The following MON1A variants were observed in gnomAD, a reference collection of about 807,000 sequenced individuals.
The protein encoded by MON1A is vacuolar fusion protein MON1 homolog A.
MON1A carries 29 observed loss-of-function variants against 44.6 expected under a neutral mutation model. The observed-to-expected ratio is 0.65, with a 90% CI of 0.48 to 0.89. MON1A has a LOEUF of 0.89. Ranked by LOEUF, MON1A falls within the 40% of genes least tolerant of loss-of-function variation. The pLI, the probability that MON1A is intolerant of heterozygous loss-of-function variation, is 0.00. For synonymous variants in MON1A, 275 were observed against 316.4 expected, an observed-to-expected ratio of 0.87 and a Z score of 1.39; for missense variants, 615 against 759.6, an observed-to-expected ratio of 0.81 and a Z score of 2.24.
Position 49,911,189 on chromosome 3 carries a change from A to AC in MON1A, c.614-306_614-305insG, listed in dbSNP as rs2108530323. Among the ~76,000 whole-genome samples, 1 of 49,860 alleles carries AC rather than the reference A, an allele frequency of 2.0e-5. No individual in the cohort carries two copies. Among genetic ancestry groups the AC allele is most frequent in the South Asian group, 4.1e-4 (1 of 2,464 alleles). The allele number at this position is 49,860 out of a possible 152,430, so 32.7% of individuals were successfully genotyped here. A position where few individuals can be genotyped will look rare whatever the true frequency, so the allele number is the denominator to read the frequency against. On this transcript the variant is annotated intron_variant, in intron 3 of 5. Coordinates refer to ENST00000296473, the MANE Select transcript of MON1A (RefSeq NM_032355.4). This position sits in a 1 kb window ranked among gnomAD's most constrained non-coding sequence, Gnocchi z 5.7. Reference sequence around the variant, plus strand: ...AGCTCAGGACCTGGGAGATAGATAGATTAGATAGATAGATAGATAGATAGA... The same window carrying AC: ...AGCTCAGGACCTGGGAGATAGATAGACTTAGATAGATAGATAGATAGATAGA...
chr3:49,929,738 CG>C lies in MON1A; in HGVS notation c.-144del. ...AGCTTCGCGGGGCCCCGGCCCCCTG[CG>C]TACACAGACATGGCCACAGCGCAGG... is the stretch of plus-strand genomic sequence containing the variant. On this transcript the variant is annotated 5_prime_UTR_variant, in exon 1 of 6. It introduces an in-frame stop codon into an upstream open reading frame of the 5' UTR. Coordinates refer to ENST00000296473, the MANE Select transcript of MON1A (RefSeq NM_032355.4). The C allele has an allele frequency of 1.3e-6, 2 of 1,549,980 alleles. No homozygotes were observed. Among genetic ancestry groups the C allele is most frequent in the Non-Finnish European group, 1.7e-6 (2 of 1,146,698 alleles).
rs773059211 is a variant in MON1A at position 49,910,114 on chromosome 3, C to T, written c.1379+5G>A. The stretch of plus-strand genomic sequence containing the variant: ...TACAGCAGTGCCCTCAAGGCCCTCC[C>T]TCACCTGGTGAAGAGTCCCGAGCTC... On this transcript the variant is annotated splice_donor_5th_base_variant and intron_variant, in intron 4 of 5. Transcript: ENST00000296473. This position sits in a 1 kb window ranked among gnomAD's most constrained non-coding sequence, Gnocchi z 8.0. The T allele has an allele frequency of 7.0e-6, 11 of 1,581,976 alleles. No homozygotes were observed. Among genetic ancestry groups the T allele is most frequent in the East Asian group, 2.3e-5 (1 of 44,442 alleles).
At position 49,910,956 on chromosome 3, in the gene MON1A, G is replaced by T; in HGVS notation, c.614-72C>A. On this transcript the variant is annotated intron_variant, in intron 3 of 5. Transcript: ENST00000296473. The surrounding 1 kb of genome is among the most constrained non-coding windows in gnomAD (Gnocchi z 8.0). Reference sequence around the variant, plus strand: ...CCTCCGAAAACCGCCTTCCAGCGCAGCTCTTCGCTTTCCCCATCCTTTCCT... The same window carrying T: ...CCTCCGAAAACCGCCTTCCAGCGCATCTCTTCGCTTTCCCCATCCTTTCCT... The T allele has an allele frequency of 1.4e-6, 2 of 1,424,788 alleles. No individual in the cohort carries two copies. The highest frequency in any genetic ancestry group is 1.9e-6 in the Non-Finnish European group (2 of 1,052,296). The allele number at this position is 1,424,788 out of a possible 1,614,324, so 88.3% of individuals were successfully genotyped here. A position where few individuals can be genotyped will look rare whatever the true frequency, so the allele number is the denominator to read the frequency against.
In MON1A at chr3:49,910,416, C is replaced by T; in HGVS notation, c.1082G>A (p.Gly361Asp). ...LISSSSSFREGEAWTPVCLPK... is the reference protein window; with the variant it reads ...LISSSSSFREDEAWTPVCLPK... ...CAGGCACACGGGCGTCCAGGCCTCG[C>T]CCTCGCGAAAGGACGAGGAGGAACT... Residue 361 changes from glycine to aspartate, a missense_variant, in exon 4 of 6, where the codon GGC becomes GAC. Coordinates refer to ENST00000296473, the MANE Select transcript of MON1A (RefSeq NM_032355.4). This position sits in a 1 kb window ranked among gnomAD's most constrained non-coding sequence, Gnocchi z 8.0. The T allele has an allele frequency of 6.2e-7, 1 of 1,614,234 alleles. No individual in the cohort carries two copies.
intron 1 of MON1A, among the ~76,000 whole-genome samples, chr3:49,919,568 C>T (rs1479200945): frequency 1.3e-5 from 2 of 152,198 alleles, no homozygotes; most frequent in African/African-American, 4.8e-5. Context: ...CAACCTCTGA[C>T]TCCTGGGTTC....
chr3:49,911,458 G>A lies in MON1A; in HGVS notation c.613+68C>T, dbSNP rs80103510. On this transcript the variant is annotated intron_variant, in intron 3 of 5. Coordinates refer to ENST00000296473, the MANE Select transcript of MON1A (RefSeq NM_032355.4). The surrounding 1 kb of genome is among the most constrained non-coding windows in gnomAD (Gnocchi z 5.7). ...CATCCCAGCCCTCTGGTCTGCAGGG[G>A]TCCAAAACCTGCTATGAATGAACCT... is the stretch of plus-strand genomic sequence containing the variant. 3,386 of 1,542,900 alleles carry A rather than the reference G, an allele frequency of 2.2e-3. 65 individuals are homozygous for A. In the African/African-American group the frequency reaches 0.042, roughly 19 times the overall value.
chr3:49,914,591 A>G (rs1185997798), intron 1 of MON1A, among the ~76,000 whole-genome samples: 5 of 113,372 alleles, frequency 4.4e-5, no homozygotes, highest in Non-Finnish European at 6.7e-5. Context: ...TCTCTCACCC[A>G]GTCTGGAGTG....
At chr3:49,923,318 C>G (rs62262094) in intron 1 of MON1A, among the ~76,000 whole-genome samples, 10,711 of 113,774 alleles carry the variant, frequency 0.094, 549 homozygotes, top group Middle Eastern at 0.17. Flanking sequence ...GGTGACACAG[C>G]GAGACTCTGG....
At chr3:49,922,110 C>T (rs1449194753) in intron 1 of MON1A, among the ~76,000 whole-genome samples, 3 of 148,154 alleles carry the variant, frequency 2.0e-5, no homozygotes, top group Non-Finnish European at 4.5e-5. Flanking sequence ...GCACTCCAGC[C>T]TGGGCAATAA....
At chr3:49,912,101 C>A in intron 2 of MON1A, 90 bp from the exon 3 acceptor site, 3 of 1,445,456 alleles carry the variant, frequency 2.1e-6, no homozygotes. Context: ...TCCAGCATGA[C>A]TGCCTGTCTT....
intron 1 of MON1A, among the ~76,000 whole-genome samples, chr3:49,917,451 A>G (rs1260856796): frequency 2.0e-5 from 3 of 151,362 alleles, no homozygotes; most frequent in African/African-American, 7.3e-5. Flanking sequence ...ACGCCCAGCT[A>G]ATTTCTTTTT....
chr3:49,929,804 A>C lies in MON1A; in HGVS notation c.-209T>G. 1.3e-6 allele frequency: 2 copies of C among 1,547,458 alleles called. No homozygotes were observed. Among genetic ancestry groups the C allele is most frequent in the Non-Finnish European group, 1.7e-6 (2 of 1,146,716 alleles). ...ACCGCCCTCACCCGGCCGCCGGTGCAGGAAGATAGCTTTCGCCGGCCTCTC... is the reference window on the plus strand; with the variant it reads ...ACCGCCCTCACCCGGCCGCCGGTGCCGGAAGATAGCTTTCGCCGGCCTCTC... On this transcript the variant is annotated 5_prime_UTR_variant, in exon 1 of 6. Transcript: ENST00000296473.
In MON1A at chr3:49,911,229, GATA is replaced by G. The variant is rs2082880002; in HGVS notation, c.613+294_613+296del. ...AGATAGATAGATAGATAGATAGATA[GATA>G]GATAGATAGATAGAGTTTGTTGTTG... On this transcript the variant is annotated intron_variant, in intron 3 of 5. Coordinates refer to ENST00000296473, the MANE Select transcript of MON1A (RefSeq NM_032355.4). This position sits in a 1 kb window ranked among gnomAD's most constrained non-coding sequence, Gnocchi z 5.7. Among the ~76,000 whole-genome samples the G allele has an allele frequency of 1.4e-5, 2 of 148,144 alleles. No individual in the cohort carries two copies. Among genetic ancestry groups the G allele is most frequent in the Non-Finnish European group, 1.5e-5 (1 of 65,854 alleles).
intron 1 of MON1A, among the ~76,000 whole-genome samples, chr3:49,921,750 C>A (rs2082998490): frequency 6.6e-6 from 1 of 151,576 alleles, no homozygotes; most frequent in Non-Finnish European, 1.5e-5. Context: ...GCCTCAAATT[C>A]CTGGGCTCAA....
In MON1A at chr3:49,909,329, T is replaced by C; in HGVS notation, c.1451A>G (p.His484Arg). The C allele has an allele frequency of 1.2e-6, 2 of 1,614,044 alleles. No homozygotes were observed. Among genetic ancestry groups the C allele is most frequent in the Non-Finnish European group, 1.7e-6 (2 of 1,179,996 alleles). The change falls in exon 5 of 6, where the codon CAC becomes CGC. Residue 484 changes from histidine (H) to arginine (R), a missense_variant. By Grantham distance (29) the His-to-Arg change is conservative. Coordinates refer to ENST00000296473, the MANE Select transcript of MON1A (RefSeq NM_032355.4). This position sits in a 1 kb window ranked among gnomAD's most constrained non-coding sequence, Gnocchi z 4.0. Reference protein sequence around the residue: ...ERLLGLYQYLHSRAHNASRPL... With the variant: ...ERLLGLYQYLRSRAHNASRPL... ...GCGAGAGGCATTGTGGGCACGACTG[T>C]GCAAGTACTGGTAGAGGCCCAGCAG...
intron 1 of MON1A, among the ~76,000 whole-genome samples, chr3:49,928,584 G>T (rs2083069867): frequency 6.6e-6 from 1 of 152,042 alleles, no homozygotes; most frequent in Non-Finnish European, 1.5e-5. Context: ...AGCAGAGAAG[G>T]CCTTCAGAAG....
At chr3:49,912,628 C>T (rs1282679130) in intron 2 of MON1A, 6 of 181,268 alleles carry the variant, frequency 3.3e-5, no homozygotes, top group African/African-American at 1.4e-4. Context: ...AGAAAGCTCC[C>T]CTACCCTACT....
chr3:49,910,463 C>A lies in MON1A; in HGVS notation c.1035G>T (p.Leu345=), dbSNP rs769428055. ...RKDQFLHPID[L]HLLFNLISSS... ...AACTAATGAGGTTGAAGAGCAGGTG[C>A]AGGTCGATGGGGTGCAGAAATTGGT... The change falls in exon 4 of 6, where the codon CTG becomes CTT. Residue 345 remains leucine, a synonymous_variant. Coordinates refer to ENST00000296473, the MANE Select transcript of MON1A (RefSeq NM_032355.4). The surrounding 1 kb of genome is among the most constrained non-coding windows in gnomAD (Gnocchi z 8.0). 7 of 1,614,206 alleles carry A rather than the reference C, an allele frequency of 4.3e-6. No homozygotes were observed. The highest frequency in any genetic ancestry group is 5.9e-6 in the Non-Finnish European group (7 of 1,180,042).
Position 49,929,759 on chromosome 3 carries a change from C to T in MON1A, c.-164G>A. The T allele has an allele frequency of 1.9e-6, 3 of 1,549,444 alleles. No homozygotes were observed. The highest frequency in any genetic ancestry group is 2.6e-6 in the Non-Finnish European group (3 of 1,146,688). On this transcript the variant is annotated 5_prime_UTR_variant, in exon 1 of 6. Transcript: ENST00000296473. The stretch of plus-strand genomic sequence containing the variant: ...CCTGCGTACACAGACATGGCCACAG[C>T]GCAGGCACCGCTCCCTCCCACCGCC...
Sources: gnomAD v4.1 joint callset for allele counts (sites outside exome capture counted in the v4.1 genomes callset) on GRCh38, gnomAD v4.1.1 for gene constraint, Gnocchi (gnomAD v3.1) non-coding constraint, MANE v1.5 for transcripts, NCBI Gene and HGNC (gene_info 2026-07-23, HGNC 2026-07-21) for gene names.